ZNF275: variants seen among roughly 807,000 people sequenced by gnomAD.
ZNF275 encodes zinc finger protein 275.
A neutral mutation model predicts 4.3 loss-of-function variants in ZNF275; 4 were observed. That is an observed-to-expected ratio of 0.93 (90% CI 0.46 to 2.13). The LOEUF (loss-of-function observed/expected upper bound fraction) is 2.13. Ranked by LOEUF, ZNF275 falls within the 30% of genes most tolerant of loss-of-function variation. ZNF275 has a pLI of 0.02. For missense variants in ZNF275, 352 were observed against 397.1 expected, an observed-to-expected ratio of 0.89 and a Z score of 0.97; for synonymous variants, 173 against 166.9, an observed-to-expected ratio of 1.04 and a Z score of -0.28.
chrX:153,341,593 G>T (rs998859214), intron 2 of ZNF275, among the ~76,000 whole-genome samples: 2 of 111,646 alleles, frequency 1.8e-5, no homozygotes, highest in African/African-American at 6.5e-5. Flanking sequence ...CCTTCAACCC[G>T]AAAGATTTCC....
chrX:153,334,649 G>C (rs984966959), intron 1 of ZNF275, among the ~76,000 whole-genome samples: 1 of 110,849 alleles, frequency 9.0e-6, no homozygotes, highest in African/African-American at 3.3e-5. Flanking sequence ...CTGCTCTTTG[G>C]GGGACGCTAG....
At chrX:153,346,708 C>T (rs782078258) in intron 3 of ZNF275, 111 bp from the exon 4 acceptor site, 16 of 872,379 alleles carry the variant, frequency 1.8e-5, no homozygotes, top group Non-Finnish European at 2.5e-5. Context: ...CTTCCGGGCC[C>T]AGGCCCCGTG....
chrX:153,342,446 C>T (rs2097251), intron 2 of ZNF275, among the ~76,000 whole-genome samples: 21,232 of 111,236 alleles, frequency 0.19, 1,491 homozygotes, highest in South Asian at 0.31. Flanking sequence ...TGCTTTTTGG[C>T]GTTTCAGTAA....
At chrX:153,344,255 G>A (rs1435851522) in intron 2 of ZNF275, 8 of 314,755 alleles carry the variant, frequency 2.5e-5, no homozygotes, top group African/African-American at 1.1e-4. Flanking sequence ...TTCTCTCACC[G>A]CTCCCTGAAT....
In ZNF275 at chrX:153,347,178, G is replaced by A. The variant is rs782319957; in HGVS notation, c.493G>A (p.Glu165Lys). 8.3e-7 allele frequency: 1 copy of A among 1,208,300 alleles called. No individual in the cohort carries two copies. The highest frequency in any genetic ancestry group is 1.8e-5 in the African/African-American group (1 of 57,046). ...EPQPGPSRAL[E>K]NAAEKREQME... ...CCAGCCCGGCCCCAGTAGGGCCCTGGAGAATGCCGCGGAGAAGAGGGAGCA... is the reference window on the plus strand; with the variant it reads ...CCAGCCCGGCCCCAGTAGGGCCCTGAAGAATGCCGCGGAGAAGAGGGAGCA... Residue 165 changes from glutamate to lysine, a missense_variant, in exon 4 of 4, where the codon GAG becomes AAG. Physicochemically the swap from Glu to Lys is moderately conservative, Grantham distance 56. Transcript: ENST00000650114.
At chrX:153,342,973 C>T (rs1213731966) in intron 2 of ZNF275, among the ~76,000 whole-genome samples, 2 of 112,645 alleles carry the variant, frequency 1.8e-5, no homozygotes, top group Admixed American at 9.3e-5. Flanking sequence ...ATTTGGTTCT[C>T]GCCCACCCCA....
In ZNF275 at chrX:153,349,399, C is replaced by A. The variant is rs996717942; in HGVS notation, c.*1424C>A. On this transcript the variant is annotated 3_prime_UTR_variant, in exon 4 of 4. Transcript: ENST00000650114. ...CCACCAGTCTCATCTTTCTCTTATGCGATGACTTAAATGGTGTTTCTGTTT... is the reference window on the plus strand; with the variant it reads ...CCACCAGTCTCATCTTTCTCTTATGAGATGACTTAAATGGTGTTTCTGTTT... 1 of 123,914 alleles carries A rather than the reference C, an allele frequency of 8.1e-6. No individual in the cohort carries two copies. The highest frequency in any genetic ancestry group is 3.2e-5 in the African/African-American group (1 of 30,986). 10.2% of individuals were successfully genotyped at this position (123,914 alleles called of 1,213,427 possible).
rs1172092138 is a variant in ZNF275, at chrX:153,347,304, A to G, written c.619A>G (p.Lys207Glu). ...GCATCTGAGGGTCCACAGCAGAGAG[A>G]AGCCCTTTGATTGCGAGGAATGCGG... ...SQHLRVHSRE[K>E]PFDCEECGRS... Residue 207 changes from lysine to glutamate, a missense_variant, in exon 4 of 4, where the codon AAG becomes GAG. Lys to Glu is a moderately conservative substitution (Grantham distance 56). Coordinates refer to ENST00000650114, the MANE Select transcript of ZNF275 (RefSeq NM_001367757.1). The G allele has an allele frequency of 8.3e-7, 1 of 1,211,839 alleles. No individual in the cohort carries two copies. Among genetic ancestry groups the G allele is most frequent in the Non-Finnish European group, 1.1e-6 (1 of 895,437 alleles).
In ZNF275 at chrX:153,347,480, C is replaced by T. The variant is rs1299334099; in HGVS notation, c.795C>T (p.Phe265=). 2.1e-5 allele frequency: 25 copies of T among 1,200,893 alleles called. No individual in the cohort carries two copies. Among genetic ancestry groups the T allele is most frequent in the South Asian group, 3.7e-5 (2 of 54,738 alleles). ...HQRMHTGHLP[F]DCDDCGKSFR... is the part of the protein sequence containing the mutation. ...GCATGCACACTGGCCACCTGCCCTT[C>T]GACTGCGACGACTGCGGCAAGTCCT... The change falls in exon 4 of 4, where the codon TTC becomes TTT. Residue 265 remains phenylalanine, a synonymous_variant. Coordinates refer to ENST00000650114, the MANE Select transcript of ZNF275 (RefSeq NM_001367757.1).
intron 2 of ZNF275, among the ~76,000 whole-genome samples, chrX:153,339,509 A>AT (rs112269405): frequency 0.35 from 36,271 of 105,010 alleles, 6,654 homozygotes; most frequent in African/African-American, 0.67. Flanking sequence ...CATCTCTACA[A>AT]TTTTTTTTTT....
chrX:153,347,159 C>T lies in ZNF275; in HGVS notation c.474C>T (p.Pro158=), dbSNP rs370281502. 19 of 1,207,696 alleles carry T rather than the reference C, an allele frequency of 1.6e-5. No homozygotes were observed. In the Admixed American group the frequency reaches 2.2e-4, roughly 14 times the overall value. ...RKSHVAAEPQ[P]GPSRALENAA... ...GCCACGTAGCTGCGGAGCCCCAGCC[C>T]GGCCCCAGTAGGGCCCTGGAGAATG... The change falls in exon 4 of 4, where the codon CCC becomes CCT. Residue 158 remains proline (P), a synonymous_variant. Transcript: ENST00000650114.
In ZNF275 at chrX:153,347,343, G is replaced by A. The variant is rs61999320; in HGVS notation, c.658G>A (p.Val220Ile). 4.2e-3 allele frequency: 5,095 copies of A among 1,210,900 alleles called. 17 individuals carry two copies. The highest frequency in any genetic ancestry group is 5.4e-3 in the Non-Finnish European group (4,829 of 895,267). ...DCEECGRSFK[V>I]NTHLFRHQKL... ...CGAGGAATGCGGGCGGTCGTTCAAAGTCAACACCCACCTCTTCCGACATCA... is the reference window on the plus strand; with the variant it reads ...CGAGGAATGCGGGCGGTCGTTCAAAATCAACACCCACCTCTTCCGACATCA... The change falls in exon 4 of 4, where the codon GTC (valine) becomes ATC (isoleucine). Residue 220 changes from valine (V) to isoleucine (I), a missense_variant. Coordinates refer to ENST00000650114, the MANE Select transcript of ZNF275 (RefSeq NM_001367757.1).
chrX:153,342,022 C>T (rs781967095), intron 2 of ZNF275, among the ~76,000 whole-genome samples: 146 of 112,114 alleles, frequency 1.3e-3, no homozygotes, highest in African/African-American at 4.7e-3. Context: ...TATTTTTCAT[C>T]CCTCCCCCCA....
intron 2 of ZNF275, among the ~76,000 whole-genome samples, chrX:153,337,841 A>C (rs782165513): frequency 8.9e-6 from 1 of 111,896 alleles, no homozygotes; most frequent in East Asian, 2.8e-4. Context: ...ACTTACGTTA[A>C]GGGTTGGAAA....
At chrX:153,340,965 G>A (rs2124207311) in intron 2 of ZNF275, among the ~76,000 whole-genome samples, 1 of 112,190 alleles carries the variant, frequency 8.9e-6, no homozygotes, top group East Asian at 2.8e-4. Context: ...GACTCTGGTA[G>A]TGTCTCCAGA....
intron 2 of ZNF275, chrX:153,343,405 C>T (rs185889950): frequency 1.1e-3 from 393 of 353,043 alleles, no homozygotes; most frequent in Non-Finnish European, 1.6e-3. Flanking sequence ...CTGTGATGCA[C>T]GGATGCCGGT....
chrX:153,342,402 A>C (rs1395435800), intron 2 of ZNF275, among the ~76,000 whole-genome samples: 1 of 111,720 alleles, frequency 9.0e-6, no homozygotes, highest in Non-Finnish European at 1.9e-5. Context: ...GTTTTTATTA[A>C]CTGATTATTC....
Position 153,346,920 on chromosome X carries a change from T to C in ZNF275, c.235T>C (p.Phe79Leu), listed in dbSNP as rs1556961626. 2.5e-6 allele frequency: 3 copies of C among 1,211,556 alleles called. No individual in the cohort carries two copies. The East Asian group carries it at 8.9e-5, about 36-fold the overall frequency. ...AAGGGCCAGTGGTCCCAGTCCTGAA[T>C]TCAGACAGCACGGGGACTCTGACGG... ...FPRASGPSPE[F>L]RQHGDSDGKR... Residue 79 changes from phenylalanine to leucine, a missense_variant, in exon 4 of 4, where the codon TTC becomes CTC. Coordinates refer to ENST00000650114, the MANE Select transcript of ZNF275 (RefSeq NM_001367757.1).
In ZNF275 at chrX:153,347,336, G is replaced by A. The variant is rs782326247; in HGVS notation, c.651G>A (p.Ser217=). 6.6e-6 allele frequency: 8 copies of A among 1,210,581 alleles called. No individual in the cohort carries two copies. The East Asian group carries it at 1.2e-4, about 18-fold the overall frequency. ...KPFDCEECGR[S]FKVNTHLFRH... ...TTGATTGCGAGGAATGCGGGCGGTC[G>A]TTCAAAGTCAACACCCACCTCTTCC... is the stretch of plus-strand genomic sequence containing the variant. The change falls in exon 4 of 4, where the codon TCG becomes TCA. Residue 217 remains serine (S), a synonymous_variant. Transcript: ENST00000650114.
Sources: gnomAD v4.1 joint callset for allele counts (sites outside exome capture counted in the v4.1 genomes callset) on GRCh38, gnomAD v4.1.1 for gene constraint, MANE v1.5 for transcripts, NCBI Gene and HGNC (gene_info 2026-07-23, HGNC 2026-07-21) for gene names.